Variants in NOS1AP observed in about 807,000 individuals in gnomAD.
The protein encoded by NOS1AP is nitric oxide synthase 1 adaptor protein, also known as carboxyl-terminal PDZ ligand of neuronal nitric oxide synthase protein.
In NOS1AP, 21 loss-of-function variants were observed where a neutral mutation model predicts 56.2. That is an observed-to-expected ratio of 0.37 (90% CI 0.26 to 0.54). NOS1AP has a LOEUF of 0.54. Ranked by LOEUF, NOS1AP falls within the 20% of genes least tolerant of loss-of-function variation. The pLI is 0.84. For missense variants in NOS1AP, 522 were observed against 657.8 expected (o/e 0.79, Z 2.26); for synonymous variants, 270 against 274.6 (o/e 0.98, Z 0.17).
At chr1:162,325,086 G>A (rs1656541363) in intron 4 of NOS1AP, among the ~76,000 whole-genome samples, 1 of 152,142 alleles carries the variant, frequency 6.6e-6, no homozygotes, top group African/African-American at 2.4e-5. Flanking sequence ...CCCTGAGGAA[G>A]GTAGTCATCA....
chr1:162,161,892 T>G (rs1024057856), intron 2 of NOS1AP, among the ~76,000 whole-genome samples: 35 of 152,246 alleles, frequency 2.3e-4, no homozygotes, highest in Non-Finnish European at 2.4e-4. Flanking sequence ...TGCTAAATGT[T>G]AGCTATTATT....
At chr1:162,155,241 TACATATACACATAC>T (rs1474539068) in intron 2 of NOS1AP, among the ~76,000 whole-genome samples, 1 of 146,708 alleles carries the variant, frequency 6.8e-6, no homozygotes, top group African/African-American at 2.5e-5. Flanking sequence ...TATATACATA[TACATATACACATAC>T]ATATATATAT....
intron 2 of NOS1AP, among the ~76,000 whole-genome samples, chr1:162,273,296 T>A (rs1052743497): frequency 6.6e-6 from 1 of 151,648 alleles, no homozygotes; most frequent in Non-Finnish European, 1.5e-5. Flanking sequence ...CCTGAGTAGC[T>A]GGGACTACAG....
intron 1 of NOS1AP, among the ~76,000 whole-genome samples, chr1:162,109,735 C>T (rs928080908): frequency 2.0e-5 from 3 of 151,850 alleles, no homozygotes; most frequent in Non-Finnish European, 4.4e-5. Flanking sequence ...TGTCTTTGTA[C>T]ATCCGAGATA....
chr1:162,181,051 A>C (rs1486957046), intron 2 of NOS1AP, among the ~76,000 whole-genome samples: 1 of 152,212 alleles, frequency 6.6e-6, no homozygotes, highest in Non-Finnish European at 1.5e-5. Context: ...TTCCATGCAA[A>C]TGTATTTCAA....
At chr1:162,120,693 C>T (rs190668998) in intron 1 of NOS1AP, among the ~76,000 whole-genome samples, 38 of 152,318 alleles carry the variant, frequency 2.5e-4, no homozygotes, top group Admixed American at 1.6e-3. Flanking sequence ...AACCGCCCCC[C>T]CCATGATTCG....
intron 6 of NOS1AP, among the ~76,000 whole-genome samples, chr1:162,347,161 G>C (rs1311179191): frequency 6.6e-6 from 1 of 152,198 alleles, no homozygotes; most frequent in African/African-American, 2.4e-5. Context: ...TTCTGAATTG[G>C]AGGATTTGCC....
intron 1 of NOS1AP, among the ~76,000 whole-genome samples, chr1:162,075,724 C>G (rs1397889632): frequency 6.6e-6 from 1 of 151,892 alleles, no homozygotes; most frequent in Non-Finnish European, 1.5e-5. Flanking sequence ...AGTTCACTTT[C>G]TTATGCTTTT....
chr1:162,263,800 A>G (rs1197712592), intron 2 of NOS1AP, among the ~76,000 whole-genome samples: 1 of 152,174 alleles, frequency 6.6e-6, no homozygotes, highest in Admixed American at 6.5e-5. Flanking sequence ...TCCCAAATCA[A>G]ACTCTTTACC....
At chr1:162,299,689 A>G (rs1655578788) in intron 3 of NOS1AP, among the ~76,000 whole-genome samples, 1 of 152,204 alleles carries the variant, frequency 6.6e-6, no homozygotes, top group Non-Finnish European at 1.5e-5. Context: ...ATGTTTTTAA[A>G]CCAGTCTAAA....
intron 2 of NOS1AP, among the ~76,000 whole-genome samples, chr1:162,276,132 T>G (rs1391828344): frequency 6.6e-6 from 1 of 152,150 alleles, no homozygotes; most frequent in Non-Finnish European, 1.5e-5. Context: ...AGAAAAAAAT[T>G]TACTGACCCT....
chr1:162,332,507 T>C (rs895486181), intron 4 of NOS1AP, among the ~76,000 whole-genome samples: 36 of 152,294 alleles, frequency 2.4e-4, no homozygotes, highest in Middle Eastern at 3.4e-3. Context: ...ACATGGATGC[T>C]GTGGTCCAGG....
At chr1:162,312,959 T>G (rs1245923682) in intron 4 of NOS1AP, among the ~76,000 whole-genome samples, 2 of 151,510 alleles carry the variant, frequency 1.3e-5, no homozygotes, top group Non-Finnish European at 2.9e-5. Flanking sequence ...CTCAACAAAT[T>G]AGGTATTGAT....
intron 2 of NOS1AP, among the ~76,000 whole-genome samples, chr1:162,263,702 ACTT>A (rs1654310564): frequency 6.6e-6 from 1 of 152,048 alleles, no homozygotes; most frequent in African/African-American, 2.4e-5. Flanking sequence ...TCTGGCTTAG[ACTT>A]CTTCTGACCA....
intron 1 of NOS1AP, among the ~76,000 whole-genome samples, chr1:162,122,109 A>G (rs535801102): frequency 2.0e-5 from 3 of 152,360 alleles, no homozygotes; most frequent in African/African-American, 7.2e-5. Context: ...ATTGATTATT[A>G]TAAGATTATT....
intron 3 of NOS1AP, among the ~76,000 whole-genome samples, chr1:162,297,745 T>C (rs1655517363): frequency 6.6e-6 from 1 of 152,194 alleles, no homozygotes; most frequent in Non-Finnish European, 1.5e-5. Context: ...ACCAGACTTT[T>C]GCTTCTGGGA....
intron 2 of NOS1AP, among the ~76,000 whole-genome samples, chr1:162,187,271 T>G (rs115208523): frequency 0.035 from 5,344 of 152,302 alleles, 133 homozygotes; most frequent in Non-Finnish European, 0.049. Flanking sequence ...TCAGCCACCA[T>G]GCATAAAGTT....
intron 1 of NOS1AP, among the ~76,000 whole-genome samples, chr1:162,147,439 T>C (rs1209436430): frequency 6.6e-6 from 1 of 152,110 alleles, no homozygotes; most frequent in African/African-American, 2.4e-5. Context: ...GTGATGGTGA[T>C]GGCAGAAAGT....
intron 2 of NOS1AP, 150 bp from the exon 3 acceptor site, chr1:162,287,193 CT>C (rs1655115931): frequency 1.6e-6 from 1 of 625,028 alleles, no homozygotes; most frequent in African/African-American, 1.8e-5. Flanking sequence ...CATCCACCTG[CT>C]TTTACATCCC....
Sources: gnomAD v4.1 joint callset for allele counts (sites outside exome capture counted in the v4.1 genomes callset) on GRCh38, gnomAD v4.1.1 for gene constraint, MANE v1.5 for transcripts, NCBI Gene and HGNC (gene_info 2026-07-23, HGNC 2026-07-21) for gene names.